The following AGBL4 variants were observed in gnomAD, a reference collection of about 807,000 sequenced individuals.
AGBL4 encodes AGBL carboxypeptidase 4.
A neutral mutation model predicts 66.4 loss-of-function variants in AGBL4; 58 were observed. That is an observed-to-expected ratio of 0.87 (90% CI 0.71 to 1.09). AGBL4 has a LOEUF of 1.09. AGBL4 is among the 50% of genes least tolerant of loss of function. The pLI is 0.00. For synonymous variants in AGBL4, 234 were observed against 222.9 expected (o/e 1.05, Z -0.44); for missense variants, 579 against 631.0 (o/e 0.92, Z 0.88).
At chr1:48,642,279 G>A (rs989339872) in intron 8 of AGBL4, among the ~76,000 whole-genome samples, 2 of 152,150 alleles carry the variant, frequency 1.3e-5, no homozygotes, top group Admixed American at 6.5e-5. Flanking sequence ...TGGCCTTTTC[G>A]GCAAGGTGGT....
intron 3 of AGBL4, among the ~76,000 whole-genome samples, chr1:49,587,425 T>C (rs948030035): frequency 2.0e-5 from 3 of 152,192 alleles, no homozygotes; most frequent in Non-Finnish European, 2.9e-5. Flanking sequence ...CTTATCTTAT[T>C]GAGATATGGT....
chr1:49,010,782 G>T (rs1236655000), intron 5 of AGBL4, among the ~76,000 whole-genome samples: 1 of 151,792 alleles, frequency 6.6e-6, no homozygotes, highest in African/African-American at 2.4e-5. Flanking sequence ...AATGGGGAAA[G>T]GATTCCCTAT....
intron 3 of AGBL4, among the ~76,000 whole-genome samples, chr1:49,269,471 C>G (rs999086526): frequency 2.4e-4 from 37 of 152,170 alleles, no homozygotes; most frequent in African/African-American, 8.7e-4. Context: ...ATTGATACAA[C>G]CAGGCCTTTC....
At chr1:50,018,856 A>G (rs1662193170) in intron 1 of AGBL4, among the ~76,000 whole-genome samples, 1 of 152,166 alleles carries the variant, frequency 6.6e-6, no homozygotes. Flanking sequence ...AGAAAATCTA[A>G]AAGTGAGAAA....
intron 2 of AGBL4, among the ~76,000 whole-genome samples, chr1:49,743,796 C>T (rs1016887619): frequency 2.0e-5 from 3 of 151,008 alleles, no homozygotes; most frequent in Non-Finnish European, 2.9e-5. Flanking sequence ...AGCGAACTAT[C>T]GCAAGGACAA....
chr1:48,690,689 G>C (rs976070388), intron 6 of AGBL4, among the ~76,000 whole-genome samples: 1 of 152,076 alleles, frequency 6.6e-6, no homozygotes, highest in African/African-American at 2.4e-5. Context: ...AGCCTCATTT[G>C]AACATAATCA....
chr1:49,261,832 A>G (rs556002071), intron 3 of AGBL4, among the ~76,000 whole-genome samples: 3 of 149,774 alleles, frequency 2.0e-5, no homozygotes, highest in African/African-American at 7.3e-5. Flanking sequence ...ATGGAACCAA[A>G]AAAGAGCCCA....
chr1:48,677,311 C>T (rs770932173), intron 6 of AGBL4, among the ~76,000 whole-genome samples: 37 of 152,154 alleles, frequency 2.4e-4, no homozygotes, highest in African/African-American at 3.6e-4. Flanking sequence ...TGTAAGAAAA[C>T]GTAAGCTGCA....
intron 3 of AGBL4, among the ~76,000 whole-genome samples, chr1:49,278,673 C>T (rs1644219345): frequency 6.6e-6 from 1 of 152,104 alleles, no homozygotes; most frequent in South Asian, 2.1e-4. Flanking sequence ...CAGGCTATAA[C>T]CAGGCCCATA....
intron 7 of AGBL4, among the ~76,000 whole-genome samples, chr1:48,656,510 G>T (rs1184926017): frequency 6.6e-6 from 1 of 152,196 alleles, no homozygotes; most frequent in Non-Finnish European, 1.5e-5. Flanking sequence ...CCACTGGTTG[G>T]CAAAGGCTCT....
chr1:49,263,439 T>G (rs1653424658), intron 3 of AGBL4, among the ~76,000 whole-genome samples: 1 of 151,848 alleles, frequency 6.6e-6, no homozygotes, highest in African/African-American at 2.4e-5. Context: ...AATCAAAATA[T>G]AAAAGACCAA....
chr1:49,783,815 A>G (rs1644390645), intron 2 of AGBL4, among the ~76,000 whole-genome samples: 1 of 152,280 alleles, frequency 6.6e-6, no homozygotes, highest in Non-Finnish European at 1.5e-5. Context: ...GTTGTAGGAT[A>G]TATCAACACA....
intron 6 of AGBL4, among the ~76,000 whole-genome samples, chr1:48,755,748 G>A (rs776511767): frequency 6.6e-6 from 1 of 152,092 alleles, no homozygotes; most frequent in Admixed American, 6.5e-5. Flanking sequence ...CCCAGAACTG[G>A]CACTCTGCGT....
At chr1:49,763,671 A>G (rs899909296) in intron 2 of AGBL4, among the ~76,000 whole-genome samples, 1 of 152,162 alleles carries the variant, frequency 6.6e-6, no homozygotes, top group African/African-American at 2.4e-5. Flanking sequence ...TTCTGCAATG[A>G]ATCTTTGCAA....
intron 3 of AGBL4, among the ~76,000 whole-genome samples, chr1:49,661,446 TC>T (rs1646267864): frequency 2.0e-5 from 3 of 152,038 alleles, no homozygotes; most frequent in African/African-American, 4.8e-5. Context: ...CTTTGTGTGT[TC>T]AAGCAAGATC....
In AGBL4 at chr1:49,867,607, C is replaced by A. The variant is rs1044450984; in HGVS notation, c.35-16089G>T. Among the ~76,000 whole-genome samples the A allele has an allele frequency of 2.7e-5, 4 of 150,406 alleles. No individual in the cohort carries two copies. In the East Asian group the frequency reaches 7.9e-4, roughly 30 times the overall value. ...ATGTGGTGTTTCCAACCAAGAATTT[C>A]ATATCTGGCCAAACTAAGCTTCATA... On this transcript the variant is annotated intron_variant, in intron 1 of 13. Coordinates refer to ENST00000371839, the MANE Select transcript of AGBL4 (RefSeq NM_032785.4).
chr1:48,864,624 C>A (rs750944658), intron 6 of AGBL4, among the ~76,000 whole-genome samples: 16 of 152,130 alleles, frequency 1.1e-4, no homozygotes, highest in Admixed American at 2.0e-4. Context: ...ATAAGTGAAT[C>A]TCTACAATAT....
intron 11 of AGBL4, among the ~76,000 whole-genome samples, chr1:48,578,738 G>A (rs1345617799): frequency 1.3e-5 from 2 of 152,168 alleles, no homozygotes; most frequent in African/African-American, 4.8e-5. Flanking sequence ...GTTGGGTGAG[G>A]CCTGCTTCCA....
chr1:49,266,125 T>C (rs1643914600), intron 3 of AGBL4: 1 of 152,024 alleles, frequency 6.6e-6, no homozygotes, highest in South Asian at 2.1e-4. Context: ...TAACTGGAAA[T>C]TGTCAATCTT....
Sources: allele counts gnomAD v4.1 joint callset (sites outside exome capture counted in the v4.1 genomes callset), GRCh38; gene constraint gnomAD v4.1.1; transcripts MANE v1.5; gene names NCBI Gene and HGNC (gene_info 2026-07-23, HGNC 2026-07-21).